The following CPLX4 variants were observed in gnomAD, a reference collection of about 807,000 sequenced individuals.
The protein encoded by CPLX4 is complexin 4.
A neutral mutation model predicts 16.1 loss-of-function variants in CPLX4; 17 were observed. The observed-to-expected ratio is 1.06, with a 90% CI of 0.72 to 1.59. The LOEUF (loss-of-function observed/expected upper bound fraction) is 1.59, where lower values mean the gene tolerates loss of function less well. CPLX4 is among the 40% of genes most tolerant of loss of function. The probability of loss-of-function intolerance (pLI) is 0.00; values close to 1 mark genes in which losing one functional copy is unlikely to be tolerated. For missense variants in CPLX4, 193 were observed against 192.9 expected (o/e 1.00, Z 0.00); for synonymous variants, 55 against 57.8 (o/e 0.95, Z 0.22).
intron 1 of CPLX4, among the ~76,000 whole-genome samples, chr18:59,317,822 T>G (rs1370864024): frequency 8.5e-6 from 1 of 117,360 alleles, no homozygotes; most frequent in Non-Finnish European, 1.7e-5. Context: ...CTTCCTGGGT[T>G]TTTTTTTTTT....
At chr18:59,313,611 A>G (rs1010454864) in intron 1 of CPLX4, among the ~76,000 whole-genome samples, 2 of 152,196 alleles carry the variant, frequency 1.3e-5, no homozygotes, top group African/African-American at 2.4e-5. Flanking sequence ...CTCTGGCTAT[A>G]TTGGGTTAGA....
intron 2 of CPLX4, among the ~76,000 whole-genome samples, chr18:59,299,957 T>C (rs902600668): frequency 6.6e-6 from 1 of 152,214 alleles, no homozygotes; most frequent in Non-Finnish European, 1.5e-5. Context: ...CTACATTTCT[T>C]GAAGACAAGG....
chr18:59,306,066 G>A (rs2070575217), intron 2 of CPLX4, among the ~76,000 whole-genome samples: 1 of 152,230 alleles, frequency 6.6e-6, no homozygotes, highest in Admixed American at 6.5e-5. Flanking sequence ...TCTGGAAGAA[G>A]AAGGTTTCAG....
At chr18:59,316,842 G>C (rs781016928) in intron 1 of CPLX4, among the ~76,000 whole-genome samples, 2 of 152,088 alleles carry the variant, frequency 1.3e-5, no homozygotes, top group Non-Finnish European at 2.9e-5. Flanking sequence ...CACAACTGTA[G>C]TCTACATTTC....
chr18:59,306,716 T>G (rs2070578830), intron 2 of CPLX4, among the ~76,000 whole-genome samples: 1 of 152,226 alleles, frequency 6.6e-6, no homozygotes. Flanking sequence ...TCATTAGACC[T>G]GACAGCTCCC....
intron 2 of CPLX4, among the ~76,000 whole-genome samples, chr18:59,307,348 C>T (rs1384053158): frequency 6.6e-6 from 1 of 152,180 alleles, no homozygotes; most frequent in African/African-American, 2.4e-5. Context: ...AGCCAAAGTA[C>T]TGTGGTCATC....
intron 2 of CPLX4, among the ~76,000 whole-genome samples, chr18:59,306,174 C>A (rs1568105599): frequency 6.6e-6 from 1 of 152,160 alleles, no homozygotes; most frequent in Non-Finnish European, 1.5e-5. Context: ...GAGATTTGAC[C>A]TCCTTTATTA....
chr18:59,316,070 TA>T (rs1206191615), intron 1 of CPLX4, among the ~76,000 whole-genome samples: 1 of 152,212 alleles, frequency 6.6e-6, no homozygotes, highest in Non-Finnish European at 1.5e-5. Context: ...AATTACTGAA[TA>T]AAACAAAGGT....
rs1215168660 is a variant in CPLX4 at position 59,318,384 on chromosome 18, CTTT to C, written c.76_78del (p.Lys26del). Reference sequence around the variant, plus strand: ...GCAGGATCAGATGCACCTCCTTCTTCTTTATTTTCTTCAGACCCACCACCAAAT... The same window carrying C: ...GCAGGATCAGATGCACCTCCTTCTTCATTTTCTTCAGACCCACCACCAAAT... On this transcript the variant is annotated inframe_deletion, in exon 1 of 3. Coordinates refer to ENST00000299721, the MANE Select transcript of CPLX4 (RefSeq NM_181654.4). 1 of 1,613,848 alleles carries C rather than the reference CTTT, an allele frequency of 6.2e-7. No homozygotes were observed. The highest frequency in any genetic ancestry group is 8.5e-7 in the Non-Finnish European group (1 of 1,179,864).
intron 2 of CPLX4, among the ~76,000 whole-genome samples, chr18:59,312,352 G>A (rs541734054): frequency 6.6e-6 from 1 of 150,838 alleles, no homozygotes; most frequent in African/African-American, 2.4e-5. Flanking sequence ...CTAGTTCAGT[G>A]CTCTTTTCAC....
chr18:59,309,132 G>A, intron 2 of CPLX4, among the ~76,000 whole-genome samples: 1 of 152,210 alleles, frequency 6.6e-6, no homozygotes, highest in Admixed American at 6.5e-5. Flanking sequence ...TTTATTAGGT[G>A]CTATTTTTAT....
At chr18:59,298,612 G>A (rs1161201735) in intron 2 of CPLX4, among the ~76,000 whole-genome samples, 1 of 148,962 alleles carries the variant, frequency 6.7e-6, no homozygotes, top group Admixed American at 6.9e-5. Context: ...TGACTTCTGA[G>A]GTGGAGTTAA....
chr18:59,300,462 T>C (rs530487872), intron 2 of CPLX4, among the ~76,000 whole-genome samples: 107 of 152,362 alleles, frequency 7.0e-4, no homozygotes, highest in African/African-American at 2.5e-3. Flanking sequence ...TAAAGAGCTC[T>C]GTTTTCGTAG....
rs1035163943 is a variant in CPLX4 at position 59,318,218 on chromosome 18, A to C, written c.167+78T>G. ...GGCATCTTAAAAAGCAAAGAGAAATAAACTGGAGAACTGAAGAAGGTATGG... is the reference window on the plus strand; with the variant it reads ...GGCATCTTAAAAAGCAAAGAGAAATCAACTGGAGAACTGAAGAAGGTATGG... On this transcript the variant is annotated intron_variant, in intron 1 of 2. Coordinates refer to ENST00000299721, the MANE Select transcript of CPLX4 (RefSeq NM_181654.4). The C allele has an allele frequency of 2.0e-6, 3 of 1,469,262 alleles. No individual in the cohort carries two copies. The African/African-American group carries it at 4.2e-5, about 21-fold the overall frequency. 91.0% of individuals were successfully genotyped at this position (1,469,262 alleles called of 1,614,324 possible).
intron 2 of CPLX4, among the ~76,000 whole-genome samples, chr18:59,298,046 G>A (rs1446025625): frequency 6.6e-6 from 1 of 151,882 alleles, no homozygotes; most frequent in African/African-American, 2.4e-5. Flanking sequence ...AGGAGTGTCT[G>A]TTCTAGAATT....
chr18:59,311,893 G>GC (rs1035444231), intron 2 of CPLX4, among the ~76,000 whole-genome samples: 1 of 152,160 alleles, frequency 6.6e-6, no homozygotes, highest in African/African-American at 2.4e-5. Flanking sequence ...GTCACCCTCA[G>GC]CCAGTGCTGA....
Position 59,296,833 on chromosome 18 carries a change from C to T in CPLX4, c.348G>A (p.Glu116=). 1.2e-6 allele frequency: 2 copies of T among 1,613,858 alleles called. No homozygotes were observed. The highest frequency in any genetic ancestry group is 1.7e-6 in the Non-Finnish European group (2 of 1,179,996). The change falls in exon 3 of 3, where the codon GAG becomes GAA. Residue 116 remains glutamate (E), a synonymous_variant. Transcript: ENST00000299721. The part of the protein sequence containing the change: ...LRKMVDEDQE[E]EEDKDSILGQ... Reference sequence around the variant, plus strand: ...CAAGAATAGAATCTTTATCTTCTTCCTCTTCTTGATCTTCATCTACCATTT... The same window carrying T: ...CAAGAATAGAATCTTTATCTTCTTCTTCTTCTTGATCTTCATCTACCATTT...
Position 59,318,465 on chromosome 18 carries a change from T to A in CPLX4, c.-3A>T, listed in dbSNP as rs1022771423. ...ATACTTTTCATAAGGAAAGCCATTT[T>A]CTCTGCCCCAGAAAAATAAAACCAA... On this transcript the variant is annotated 5_prime_UTR_variant, in exon 1 of 3. Transcript: ENST00000299721. 6.3e-7 allele frequency: 1 copy of A among 1,594,518 alleles called. No individual in the cohort carries two copies. The highest frequency in any genetic ancestry group is 8.5e-7 in the Non-Finnish European group (1 of 1,173,180).
At chr18:59,300,307 C>T (rs541172573) in intron 2 of CPLX4, among the ~76,000 whole-genome samples, 18 of 152,028 alleles carry the variant, frequency 1.2e-4, no homozygotes, top group Middle Eastern at 3.4e-3. Flanking sequence ...AACTCCAGCC[C>T]GGGCAAAAGA....
Sources: gnomAD v4.1 joint callset for allele counts (sites outside exome capture counted in the v4.1 genomes callset) on GRCh38, gnomAD v4.1.1 for gene constraint, MANE v1.5 for transcripts, NCBI Gene and HGNC (gene_info 2026-07-23, HGNC 2026-07-21) for gene names.